The following IQSEC1 variants were observed in gnomAD, a reference collection of about 807,000 sequenced individuals.
IQSEC1 encodes IQ motif and SEC7 domain-containing protein 1.
Under a neutral mutation model 91.0 loss-of-function variants are expected in IQSEC1, and 31 were observed. The observed-to-expected ratio is 0.34, with a 90% CI of 0.26 to 0.46. The LOEUF (loss-of-function observed/expected upper bound fraction) is 0.46, where lower values mean the gene tolerates loss of function less well. IQSEC1 is among the 20% of genes least tolerant of loss of function. IQSEC1 has a pLI of 1.00. For synonymous variants in IQSEC1, 699 were observed against 662.6 expected (o/e 1.05, Z -0.84); for missense variants, 1,388 against 1,575.6 (o/e 0.88, Z 2.02).
At chr3:12,950,358 C>G (rs191388386) in intron 1 of IQSEC1, among the ~76,000 whole-genome samples, 1 of 152,168 alleles carries the variant, frequency 6.6e-6, no homozygotes, top group Non-Finnish European at 1.5e-5. Context: ...AAAGGAAAAC[C>G]GAATGTGCAA....
chr3:12,908,675 C>A lies in IQSEC1; in HGVS notation c.2579-150G>T. ...TTTCTGGGAAAGAGGGTGTGATGGC[C>A]ACCCTGGACAAAAGAGCAGAAAGGA... On this transcript the variant is annotated intron_variant, in intron 11 of 13. Coordinates refer to ENST00000613206, the MANE Select transcript of IQSEC1 (RefSeq NM_001134382.3). This position sits in a 1 kb window ranked among gnomAD's most constrained non-coding sequence, Gnocchi z 4.9. 1 of 802,510 alleles carries A rather than the reference C, an allele frequency of 1.2e-6. No homozygotes were observed. The highest frequency in any genetic ancestry group is 2.0e-6 in the Non-Finnish European group (1 of 501,098). The allele number at this position is 802,510 out of a possible 1,614,324, so 49.7% of individuals were successfully genotyped here.
intron 1 of IQSEC1, among the ~76,000 whole-genome samples, chr3:13,252,922 C>T (rs930114187): frequency 2.4e-4 from 37 of 152,088 alleles, no homozygotes; most frequent in Admixed American, 2.0e-4. Flanking sequence ...TTAGTAGTGA[C>T]GGAGTTTCAC....
At chr3:13,250,436 T>TTTTA in intron 1 of IQSEC1, among the ~76,000 whole-genome samples, 4 of 148,586 alleles carry the variant, frequency 2.7e-5, no homozygotes, top group African/African-American at 9.9e-5. Flanking sequence ...TTTTTTTTTT[T>TTTTA]GAGACAGAGT....
intron 1 of IQSEC1, among the ~76,000 whole-genome samples, chr3:12,966,822 C>T (rs558621456): frequency 6.6e-6 from 1 of 152,330 alleles, no homozygotes; most frequent in Non-Finnish European, 1.5e-5. Context: ...CAGGGTCATC[C>T]ACCCTCACAC....
intron 1 of IQSEC1, among the ~76,000 whole-genome samples, chr3:13,009,685 G>GTA: frequency 6.6e-6 from 1 of 152,016 alleles, no homozygotes; most frequent in East Asian, 1.9e-4. Flanking sequence ...GTGTGTGTGT[G>GTA]TGTATGTACT....
At chr3:13,150,775 C>G (rs759573753) in intron 2 of IQSEC1, among the ~76,000 whole-genome samples, 1 of 152,264 alleles carries the variant, frequency 6.6e-6, no homozygotes, top group Non-Finnish European at 1.5e-5. Context: ...CTGGCACAGC[C>G]TGACCCCAGG....
chr3:13,083,265 G>A (rs1200266019), intron 2 of IQSEC1, among the ~76,000 whole-genome samples: 1 of 152,186 alleles, frequency 6.6e-6, no homozygotes, highest in Non-Finnish European at 1.5e-5. Flanking sequence ...TAATGCAGAT[G>A]GGGGCTGAGA....
At chr3:13,069,470 C>T (rs456667) in intron 1 of IQSEC1, among the ~76,000 whole-genome samples, 3 of 151,988 alleles carry the variant, frequency 2.0e-5, no homozygotes, top group Non-Finnish European at 4.4e-5. Context: ...ACCAGGGCTT[C>T]GCTTCCTTCA....
chr3:13,169,476 T>C (rs1315539862), intron 1 of IQSEC1, among the ~76,000 whole-genome samples: 1 of 152,088 alleles, frequency 6.6e-6, no homozygotes, highest in African/African-American at 2.4e-5. Flanking sequence ...ACACCAAAAA[T>C]GTGGAAGCGA....
At chr3:13,121,541 G>A (rs1217801136) in intron 2 of IQSEC1, among the ~76,000 whole-genome samples, 1 of 152,218 alleles carries the variant, frequency 6.6e-6, no homozygotes. Context: ...CCTGTGGCCT[G>A]TGGGGGAGAA....
chr3:13,036,909 G>A (rs538554191), intron 1 of IQSEC1, among the ~76,000 whole-genome samples: 3 of 152,288 alleles, frequency 2.0e-5, no homozygotes, highest in African/African-American at 4.8e-5. Context: ...CGGCATCCAC[G>A]GCATGCTGAA....
chr3:13,078,316 G>T (rs1278271952), upstream of IQSEC1, among the ~76,000 whole-genome samples: 1 of 152,128 alleles, frequency 6.6e-6, no homozygotes, highest in Non-Finnish European at 1.5e-5. Flanking sequence ...GCGAGAGAAG[G>T]CATCATTAAA....
intron 2 of IQSEC1, among the ~76,000 whole-genome samples, chr3:13,130,922 C>CAA (rs71066945): frequency 0.059 from 6,580 of 111,234 alleles, 209 homozygotes; most frequent in Middle Eastern, 0.1. Context: ...GACCATGTGT[C>CAA]AAAAAAAAAA....
chr3:12,993,938 C>G (rs993597289), intron 1 of IQSEC1, among the ~76,000 whole-genome samples: 1 of 151,990 alleles, frequency 6.6e-6, no homozygotes, highest in Non-Finnish European at 1.5e-5. Context: ...AACTGCGTGT[C>G]GGTGCAACCG....
intron 2 of IQSEC1, among the ~76,000 whole-genome samples, chr3:13,106,406 CAG>C (rs1403037289): frequency 1.3e-5 from 2 of 152,182 alleles, no homozygotes; most frequent in Non-Finnish European, 2.9e-5. Flanking sequence ...CTGGGGTAAT[CAG>C]AGTCTCTGTT....
intron 1 of IQSEC1, among the ~76,000 whole-genome samples, chr3:13,223,248 T>C (rs1383699832): frequency 6.6e-6 from 1 of 152,208 alleles, no homozygotes; most frequent in Non-Finnish European, 1.5e-5. Context: ...GTTAGAGGCA[T>C]GAGCTCTGGG....
At chr3:12,920,394 A>C (rs1209000889) in intron 6 of IQSEC1, 36 bp downstream of exon 6, 3 of 1,607,060 alleles carry the variant, frequency 1.9e-6, no homozygotes, top group Non-Finnish European at 2.6e-6. Flanking sequence ...GTGCTGGAGC[A>C]AATCTGTGGC....
intron 1 of IQSEC1, among the ~76,000 whole-genome samples, chr3:12,963,953 CT>C (rs1239474322): frequency 6.6e-6 from 1 of 152,244 alleles, no homozygotes; most frequent in Non-Finnish European, 1.5e-5. Context: ...TTTATGGATG[CT>C]TTCATTCACT....
chr3:12,954,941 T>C (rs948255644), intron 1 of IQSEC1, among the ~76,000 whole-genome samples: 3 of 152,176 alleles, frequency 2.0e-5, no homozygotes, highest in African/African-American at 7.2e-5. Context: ...TGTCTTCTTC[T>C]CCCGCAACTC....
Sources: allele counts gnomAD v4.1 joint callset (sites outside exome capture counted in the v4.1 genomes callset), GRCh38; gene constraint gnomAD v4.1.1; non-coding constraint Gnocchi (gnomAD v3.1); transcripts MANE v1.5; gene names NCBI Gene and HGNC (gene_info 2026-07-23, HGNC 2026-07-21).